TXNRD1: variants seen among roughly 807,000 people sequenced by gnomAD.
The protein encoded by TXNRD1 is thioredoxin reductase 1, cytoplasmic.
In TXNRD1, 57 loss-of-function variants were observed where a neutral mutation model predicts 80.3. The ratio of observed to expected loss-of-function variants is 0.71; its 90% CI spans 0.57 to 0.89. The LOEUF (loss-of-function observed/expected upper bound fraction) is 0.89. TXNRD1 is among the 40% of genes least tolerant of loss of function. The pLI is 0.00. For missense variants in TXNRD1, 730 were observed against 803.0 expected (o/e 0.91, Z 1.10); for synonymous variants, 291 against 285.2 (o/e 1.02, Z -0.20).
rs1491000105 is a variant in TXNRD1 at position 104,313,114 on chromosome 12, A to G, written c.538-131A>G. On this transcript the variant is annotated intron_variant, in intron 5 of 16. Transcript: ENST00000525566. ...TTTAACTAATCATCATGGTGTGTGA[A>G]GTACCCAGGTATTAATTATTCGTTA... The G allele has an allele frequency of 1.1e-5, 7 of 612,404 alleles. No homozygotes were observed. The East Asian group carries it at 1.4e-4, about 13-fold the overall frequency. The allele number at this position is 612,404 out of a possible 1,614,324, so 37.9% of individuals were successfully genotyped here.
At chr12:104,315,469 C>T in intron 6 of TXNRD1, among the ~76,000 whole-genome samples, 1 of 152,118 alleles carries the variant, frequency 6.6e-6, no homozygotes, top group Admixed American at 6.5e-5. Flanking sequence ...GGGTTGTGTA[C>T]ATAGTAAGAT....
chr12:104,319,709 C>G, intron 9 of TXNRD1, 124 bp downstream of exon 9: 1 of 708,052 alleles, frequency 1.4e-6, no homozygotes, highest in Non-Finnish European at 2.5e-6. Flanking sequence ...ATTGTGCCCT[C>G]TCTGGGGGCA....
chr12:104,220,180 A>G (rs1203925959), intron 1 of TXNRD1, among the ~76,000 whole-genome samples: 1 of 152,206 alleles, frequency 6.6e-6, no homozygotes, highest in African/African-American at 2.4e-5. Flanking sequence ...GGTGAGTCAG[A>G]TGCCCCAAGA....
chr12:104,248,576 C>A (rs193227884), intron 1 of TXNRD1, among the ~76,000 whole-genome samples: 2 of 152,164 alleles, frequency 1.3e-5, no homozygotes, highest in African/African-American at 4.8e-5. Flanking sequence ...GTGTGAGCCA[C>A]GCGCCTGGCC....
intron 15 of TXNRD1, 56 bp downstream of exon 15, chr12:104,334,388 GTTGT>G: frequency 8.5e-7 from 1 of 1,171,358 alleles, no homozygotes; most frequent in Non-Finnish European, 1.1e-6. Context: ...GTTTTTTGTT[GTTGT>G]TTTTTTTTTA....
chr12:104,269,837 G>A (rs996074361), intron 3 of TXNRD1, among the ~76,000 whole-genome samples: 2 of 151,956 alleles, frequency 1.3e-5, no homozygotes, highest in African/African-American at 4.8e-5. Context: ...CCAAAGTGCT[G>A]GGATGACAGG....
chr12:104,285,577 A>G (rs1055987881), intron 3 of TXNRD1, among the ~76,000 whole-genome samples: 3 of 152,220 alleles, frequency 2.0e-5, no homozygotes, highest in African/African-American at 7.2e-5. Context: ...AATCCTTATT[A>G]CTTGCTTTTA....
chr12:104,295,912 A>G (rs1276740208), intron 4 of TXNRD1, among the ~76,000 whole-genome samples: 1 of 152,248 alleles, frequency 6.6e-6, no homozygotes, highest in Non-Finnish European at 1.5e-5. Flanking sequence ...GTTAATGATT[A>G]TAACATTTAT....
intron 3 of TXNRD1, 107 bp from the exon 4 acceptor site, chr12:104,288,824 C>T: frequency 6.2e-7 from 1 of 1,607,780 alleles, no homozygotes; most frequent in Middle Eastern, 1.7e-4. Context: ...ACAGAGGGCA[C>T]GCGGTGCCTG....
chr12:104,319,614 A>G, intron 9 of TXNRD1, 29 bp downstream of exon 9: 1 of 1,495,568 alleles, frequency 6.7e-7, no homozygotes, highest in Non-Finnish European at 9.1e-7. Flanking sequence ...GTGGAAAAGA[A>G]AAACCCATTG....
intron 3 of TXNRD1, among the ~76,000 whole-genome samples, chr12:104,264,491 G>A (rs1390648951): frequency 6.6e-6 from 1 of 152,130 alleles, no homozygotes; most frequent in African/African-American, 2.4e-5. Flanking sequence ...TATTCTTTAA[G>A]CATTTTGGTT....
intron 1 of TXNRD1, 100 bp downstream of exon 1, chr12:104,215,993 G>A (rs1593671100): frequency 2.9e-6 from 3 of 1,017,422 alleles, no homozygotes; most frequent in East Asian, 5.5e-5. Context: ...TGGCCTTGAA[G>A]CCCCTCACTG....
intron 13 of TXNRD1, among the ~76,000 whole-genome samples, chr12:104,328,894 G>C (rs1484121284): frequency 6.6e-6 from 1 of 151,944 alleles, no homozygotes; most frequent in Non-Finnish European, 1.5e-5. Context: ...CATGGGACTA[G>C]ATGGCCAGAA....
intron 4 of TXNRD1, chr12:104,290,952 G>GT (rs1343622623): frequency 7.7e-6 from 5 of 647,440 alleles, no homozygotes; most frequent in South Asian, 5.2e-5. Context: ...ATGTTCTGAT[G>GT]TTTTTTCTTT....
rs575840226 is a variant in TXNRD1, at chr12:104,319,133, G to T, written c.873+78G>T. 2.6e-5 allele frequency: 39 copies of T among 1,487,434 alleles called. No individual in the cohort carries two copies. In the African/African-American group the frequency reaches 5.3e-4, roughly 20 times the overall value. 92.1% of individuals were successfully genotyped at this position (1,487,434 alleles called of 1,614,324 possible). On this transcript the variant is annotated intron_variant, in intron 8 of 16. Coordinates refer to ENST00000525566, the MANE Select transcript of TXNRD1 (RefSeq NM_001093771.3). ...AAAGCTTTGGTTAGAAAATGTTAAAGTATTATAATAAAAGTAATAGCCACT... is the reference window on the plus strand; with the variant it reads ...AAAGCTTTGGTTAGAAAATGTTAAATTATTATAATAAAAGTAATAGCCACT...
chr12:104,327,763 T>G, intron 13 of TXNRD1, 92 bp downstream of exon 13: 1 of 1,402,722 alleles, frequency 7.1e-7, no homozygotes, highest in Non-Finnish European at 9.7e-7. Flanking sequence ...TCGCAGATCT[T>G]GAATAATTTA....
rs559548274 is a variant in TXNRD1 at position 104,303,643 on chromosome 12, A to C, written c.415-7647A>C. On this transcript the variant is annotated intron_variant, in intron 4 of 16. Coordinates refer to ENST00000525566, the MANE Select transcript of TXNRD1 (RefSeq NM_001093771.3). ...GGAGCGCCGCGCTGGTCTATGAGCG[A>C]GCGCCTCGGCTTGTGGCTGGGCCGG... 99 of 403,932 alleles carry C rather than the reference A, an allele frequency of 2.5e-4. 2 individuals carry two copies. The Admixed American group carries it at 4.3e-3, about 17-fold the overall frequency. 25.0% of individuals were successfully genotyped at this position (403,932 alleles called of 1,614,324 possible).
intron 3 of TXNRD1, among the ~76,000 whole-genome samples, chr12:104,278,005 T>C (rs986503289): frequency 6.6e-6 from 1 of 150,652 alleles, no homozygotes; most frequent in African/African-American, 2.5e-5. Flanking sequence ...CCCTCCCGAG[T>C]AGCTGAGACT....
chr12:104,323,479 C>T (rs866293198), intron 10 of TXNRD1, among the ~76,000 whole-genome samples: 8,180 of 134,112 alleles, frequency 0.061, 33 homozygotes, highest in East Asian at 0.15. Context: ...TAGGGGCGGC[C>T]GGGCAGAGGC....
Sources: allele counts gnomAD v4.1 joint callset (sites outside exome capture counted in the v4.1 genomes callset), GRCh38; gene constraint gnomAD v4.1.1; transcripts MANE v1.5; gene names NCBI Gene and HGNC (gene_info 2026-07-23, HGNC 2026-07-21).